Variants in NCOR2 observed in about 807,000 individuals in gnomAD.
The protein encoded by NCOR2 is CTG repeat protein 26.
Under a neutral mutation model 262.9 loss-of-function variants are expected in NCOR2, and 81 were observed. The observed-to-expected ratio is 0.31, with a 90% confidence interval of 0.26 to 0.37. The LOEUF (loss-of-function observed/expected upper bound fraction) is 0.37, where lower values mean the gene tolerates loss of function less well. Ranked by LOEUF, NCOR2 falls within the 10% of genes least tolerant of loss-of-function variation. The probability of loss-of-function intolerance (pLI) is 1.00; values close to 1 mark genes in which losing one functional copy is unlikely to be tolerated. For synonymous variants in NCOR2, 1,659 were observed against 1,559.3 expected (o/e 1.06, Z -1.51); for missense variants, 3,385 against 3,621.4 (o/e 0.93, Z 1.68).
At chr12:124,480,596 G>A (rs1424349611) in intron 3 of NCOR2, among the ~76,000 whole-genome samples, 3 of 152,106 alleles carry the variant, frequency 2.0e-5, no homozygotes, top group African/African-American at 7.2e-5. Flanking sequence ...CACCGTCTAG[G>A]TTCCACTTTC....
chr12:124,476,855 C>G (rs1423173624), intron 3 of NCOR2, among the ~76,000 whole-genome samples: 1 of 150,540 alleles, frequency 6.6e-6, no homozygotes, highest in Non-Finnish European at 1.5e-5. Flanking sequence ...TGCTTGAGCC[C>G]AGGAGTTCAA....
At chr12:124,331,237 A>G (rs993331270) in intron 43 of NCOR2, among the ~76,000 whole-genome samples, 3 of 151,532 alleles carry the variant, frequency 2.0e-5, no homozygotes, top group African/African-American at 7.3e-5. Flanking sequence ...TAATTTTTGT[A>G]TTTTTAGTAG....
At chr12:124,449,499 G>C (rs761338719) in intron 7 of NCOR2, among the ~76,000 whole-genome samples, 2 of 152,162 alleles carry the variant, frequency 1.3e-5, no homozygotes, top group African/African-American at 4.8e-5. Context: ...CCTCCTGCTC[G>C]AACAGGATGC....
At chr12:124,368,034 G>C (rs548758267) in intron 20 of NCOR2, among the ~76,000 whole-genome samples, 1 of 152,320 alleles carries the variant, frequency 6.6e-6, no homozygotes, top group African/African-American at 2.4e-5. Context: ...TATGTGTCTG[G>C]GAGGGGCCCC....
At chr12:124,335,602 C>T (rs761653899) in exon 39 of NCOR2, 1 of 1,606,286 alleles carries the variant, frequency 6.2e-7, no homozygotes, top group Non-Finnish European at 8.5e-7. Context: ...GGGCTCCACC[C>T]CTTCGGGGCT....
chr12:124,473,237 A>G, intron 3 of NCOR2, 106 bp from the exon 6 acceptor site: 1 of 1,313,644 alleles, frequency 7.6e-7, no homozygotes, highest in Non-Finnish European at 1.1e-6. Context: ...TGAAGGAGGC[A>G]AAGTATTGAT....
chr12:124,344,858 G>C (rs1008945586), exon 32 of NCOR2: 7 of 1,573,204 alleles, frequency 4.4e-6, no homozygotes, highest in Non-Finnish European at 6.0e-6. Context: ...TGCACGGGTG[G>C]GAACGTCCGG....
intron 17 of NCOR2, among the ~76,000 whole-genome samples, chr12:124,380,735 T>A (rs2040350770): frequency 6.6e-6 from 1 of 151,914 alleles, no homozygotes; most frequent in East Asian, 1.9e-4. Context: ...GGGTCTCCTG[T>A]CGGCCTGGTG....
intron 1 of NCOR2, among the ~76,000 whole-genome samples, chr12:124,516,855 T>C (rs1183429448): frequency 1.3e-5 from 2 of 152,142 alleles, no homozygotes; most frequent in Admixed American, 1.3e-4. Flanking sequence ...TGCCAGTGAA[T>C]TATCAACTGT....
At chr12:124,372,479 TGGGTGGCCCTGG>T (rs760008477) in exon 20 of NCOR2, 3 of 933,190 alleles carry the variant, frequency 3.2e-6, no homozygotes, top group African/African-American at 3.1e-5. Flanking sequence ...GGTGGTGGGG[TGGGTGGCCCTGG>T]GGGTGGCCCG....
chr12:124,526,468 A>G (rs915163306), intron 1 of NCOR2, among the ~76,000 whole-genome samples: 1 of 152,250 alleles, frequency 6.6e-6, no homozygotes, highest in Admixed American at 6.5e-5. Context: ...CAGGACCTGG[A>G]GTCTGGAGAT....
At chr12:124,485,608 G>A (rs1016952285) in intron 2 of NCOR2, among the ~76,000 whole-genome samples, 6 of 152,214 alleles carry the variant, frequency 3.9e-5, no homozygotes, top group Non-Finnish European at 2.9e-5. Context: ...CAGAAGGCAC[G>A]CTGCCTCGGC....
intron 17 of NCOR2, among the ~76,000 whole-genome samples, chr12:124,385,400 T>A (rs2040729124): frequency 6.6e-6 from 1 of 152,174 alleles, no homozygotes; most frequent in South Asian, 2.1e-4. Context: ...ACAGCCCGAA[T>A]TCCTGGCTGA....
intron 1 of NCOR2, among the ~76,000 whole-genome samples, chr12:124,556,596 A>T (rs181514131): frequency 1.6e-4 from 25 of 152,220 alleles, no homozygotes; most frequent in Non-Finnish European, 3.4e-4. Flanking sequence ...GTGGTGGCTC[A>T]CGCCTGTAAT....
intron 44 of NCOR2, among the ~76,000 whole-genome samples, chr12:124,330,221 G>C (rs1019222485): frequency 1.3e-5 from 2 of 152,244 alleles, no homozygotes; most frequent in Non-Finnish European, 2.9e-5. Flanking sequence ...CCCATGCAGA[G>C]TGACCCCCAG....
chr12:124,397,762 G>A (rs1254164050), intron 16 of NCOR2, among the ~76,000 whole-genome samples: 5 of 152,082 alleles, frequency 3.3e-5, no homozygotes, highest in Admixed American at 2.6e-4. Flanking sequence ...TGACTGTCCC[G>A]AGATACCCAG....
intron 44 of NCOR2, among the ~76,000 whole-genome samples, chr12:124,330,356 G>A (rs538977843): frequency 7.2e-5 from 11 of 152,228 alleles, no homozygotes; most frequent in Non-Finnish European, 1.3e-4. Context: ...TTAAAAGTGC[G>A]TGTCAATTTT....
At chr12:124,470,687 T>C (rs1310380261) in intron 4 of NCOR2, among the ~76,000 whole-genome samples, 1 of 152,252 alleles carries the variant, frequency 6.6e-6, no homozygotes, top group Admixed American at 6.5e-5. Context: ...CTTTAGCTCC[T>C]ATGAGGCTTC....
intron 16 of NCOR2, among the ~76,000 whole-genome samples, chr12:124,391,043 G>A (rs1162596819): frequency 2.6e-5 from 4 of 152,226 alleles, no homozygotes; most frequent in South Asian, 2.1e-4. Context: ...GGCCCATGAC[G>A]AGCTGTTCTT....
Sources: gnomAD v4.1 joint callset for allele counts (sites outside exome capture counted in the v4.1 genomes callset) on GRCh38, gnomAD v4.1.1 for gene constraint, MANE v1.5 for transcripts, NCBI Gene and HGNC (gene_info 2026-07-23, HGNC 2026-07-21) for gene names.